Variants in MAD1L1 observed in about 807,000 individuals in gnomAD.
MAD1L1 encodes mitotic spindle assembly checkpoint protein MAD1.
A neutral mutation model predicts 96.9 loss-of-function variants in MAD1L1; 95 were observed. That is an observed-to-expected ratio of 0.98 (90% CI 0.83 to 1.16). The LOEUF is 1.16. Ranked by LOEUF, MAD1L1 falls within the 50% of genes most tolerant of loss-of-function variation. The pLI is 0.00. For missense variants in MAD1L1, 1,007 were observed against 954.4 expected (o/e 1.06, Z -0.73); for synonymous variants, 473 against 396.6 (o/e 1.19, Z -2.29).
intron 12 of MAD1L1, among the ~76,000 whole-genome samples, chr7:2,050,145 C>T (rs1459773401): frequency 2.1e-5 from 3 of 139,896 alleles, no homozygotes; most frequent in African/African-American, 5.3e-5. Flanking sequence ...CCAGCGTCTG[C>T]GGGCACCAGA....
intron 18 of MAD1L1, among the ~76,000 whole-genome samples, chr7:1,897,056 G>A (rs1207478014): frequency 6.6e-6 from 1 of 151,280 alleles, no homozygotes; most frequent in Middle Eastern, 3.4e-3. Flanking sequence ...TGTGATCTGA[G>A]AAGCAGGAAA....
chr7:2,121,668 A>C (rs1430873251), intron 11 of MAD1L1, among the ~76,000 whole-genome samples: 1 of 152,216 alleles, frequency 6.6e-6, no homozygotes, highest in Non-Finnish European at 1.5e-5. Context: ...CAAGGTGGCC[A>C]AACTCAGCCT....
At chr7:2,039,206 C>G (rs181284772) in intron 12 of MAD1L1, among the ~76,000 whole-genome samples, 1 of 152,346 alleles carries the variant, frequency 6.6e-6, no homozygotes, top group East Asian at 1.9e-4. Flanking sequence ...CAGTGAATTC[C>G]TTCTTAGTCC....
chr7:2,164,412 G>A (rs954087889), intron 10 of MAD1L1, among the ~76,000 whole-genome samples: 1 of 152,212 alleles, frequency 6.6e-6, no homozygotes, highest in Admixed American at 6.5e-5. Context: ...GCTCTGCGCT[G>A]AGGGCACCCG....
chr7:2,076,848 G>A (rs1371919971), intron 11 of MAD1L1, among the ~76,000 whole-genome samples: 1 of 149,806 alleles, frequency 6.7e-6, no homozygotes, highest in Non-Finnish European at 1.5e-5. Flanking sequence ...GTCAGCCTGA[G>A]ACGGTTACAA....
intron 10 of MAD1L1, among the ~76,000 whole-genome samples, chr7:2,163,121 T>C (rs1790246984): frequency 6.6e-6 from 1 of 152,192 alleles, no homozygotes; most frequent in Non-Finnish European, 1.5e-5. Flanking sequence ...CATATTTAAT[T>C]AAATGATGTA....
At position 2,216,129 on chromosome 7, in the gene MAD1L1, G is replaced by A. The variant is rs200517780; in HGVS notation, c.809+28C>T. 152 of 1,609,784 alleles carry A rather than the reference G, an allele frequency of 9.4e-5. No homozygotes were observed. In the African/African-American group the frequency reaches 1.5e-3, roughly 16 times the overall value. ...GCACAAACCCAGACTCACTCGAGGCGGCTGCCCCATCCCCCGCAACCCCTC... is the reference window on the plus strand; with the variant it reads ...GCACAAACCCAGACTCACTCGAGGCAGCTGCCCCATCCCCCGCAACCCCTC... On this transcript the variant is annotated intron_variant, in intron 8 of 18. Coordinates refer to ENST00000265854, the MANE Select transcript of MAD1L1 (RefSeq NM_001013836.2).
At chr7:2,009,646 A>G (rs1253890573) in intron 13 of MAD1L1, among the ~76,000 whole-genome samples, 3 of 152,300 alleles carry the variant, frequency 2.0e-5, no homozygotes, top group South Asian at 2.1e-4. Flanking sequence ...AGCGCTGGCC[A>G]CAGAGCACAC....
intron 11 of MAD1L1, among the ~76,000 whole-genome samples, chr7:2,085,861 C>A (rs1785891687): frequency 6.6e-6 from 1 of 152,226 alleles, no homozygotes. Flanking sequence ...CATCCAGTGA[C>A]CGCCTAACCT....
intron 15 of MAD1L1, among the ~76,000 whole-genome samples, chr7:1,975,107 C>A (rs1780575494): frequency 6.6e-6 from 1 of 152,252 alleles, no homozygotes; most frequent in South Asian, 2.1e-4. Flanking sequence ...GCTGCCCAGC[C>A]AGGTGGAGGC....
chr7:2,210,467 CGGG>C lies in MAD1L1; in HGVS notation c.986+2742_986+2744del, dbSNP rs1172401737. On this transcript the variant is annotated intron_variant, in intron 10 of 18. Transcript: ENST00000265854. ...CCGTGGACTCTCTAGGAGCCGTATT[CGGG>C]ACCGCCAGCCCGCATTCCCGTGGAC... is the stretch of plus-strand genomic sequence containing the variant. Among the ~76,000 whole-genome samples the C allele has an allele frequency of 4.1e-4, 55 of 132,868 alleles. 1 individual carries two copies. The highest frequency in any genetic ancestry group is 9.4e-4 in the Admixed American group (12 of 12,812). 87.2% of individuals were successfully genotyped at this position (132,868 alleles called of 152,430 possible).
chr7:2,150,453 G>A (rs373906580), intron 10 of MAD1L1, among the ~76,000 whole-genome samples: 15 of 151,974 alleles, frequency 9.9e-5, no homozygotes, highest in African/African-American at 2.4e-4. Flanking sequence ...ATGGGCCCCC[G>A]AAACCCTCAT....
chr7:2,154,333 G>T (rs748446207), intron 10 of MAD1L1, among the ~76,000 whole-genome samples: 1 of 152,208 alleles, frequency 6.6e-6, no homozygotes, highest in Non-Finnish European at 1.5e-5. Flanking sequence ...GGATTGAAAG[G>T]TCTGGGTGAG....
At chr7:2,038,224 T>C (rs1480679347) in intron 12 of MAD1L1, among the ~76,000 whole-genome samples, 1 of 152,130 alleles carries the variant, frequency 6.6e-6, no homozygotes, top group Non-Finnish European at 1.5e-5. Flanking sequence ...GGTGGGTTCA[T>C]GAGGTTTACA....
chr7:2,063,736 G>A lies in MAD1L1; in HGVS notation c.1218+5458C>T, dbSNP rs551692326. On this transcript the variant is annotated intron_variant, in intron 12 of 18. Coordinates refer to ENST00000265854, the MANE Select transcript of MAD1L1 (RefSeq NM_001013836.2). Reference sequence around the variant, plus strand: ...GCCAGCGAGGCCCTGCCCTCTTCCCGTGGGCACCACACCCGCCTTTGTCAT... The same window carrying A: ...GCCAGCGAGGCCCTGCCCTCTTCCCATGGGCACCACACCCGCCTTTGTCAT... Among the ~76,000 whole-genome samples, 79 of 152,310 alleles carry A rather than the reference G, an allele frequency of 5.2e-4. 2 individuals are homozygous for A. The South Asian group carries it at 0.014, about 28-fold the overall frequency.
chr7:1,964,694 C>T (rs1780087098), intron 15 of MAD1L1, among the ~76,000 whole-genome samples: 1 of 152,190 alleles, frequency 6.6e-6, no homozygotes, highest in South Asian at 2.1e-4. Context: ...GAGAAGATGA[C>T]GCCAATCAAA....
At chr7:1,837,497 T>C (rs1189136464) in intron 18 of MAD1L1, among the ~76,000 whole-genome samples, 5 of 152,202 alleles carry the variant, frequency 3.3e-5, no homozygotes, top group Non-Finnish European at 5.9e-5. Flanking sequence ...TGCATGTGAA[T>C]GTTCACTGTA....
At chr7:1,892,018 C>T (rs1214347151) in intron 18 of MAD1L1, among the ~76,000 whole-genome samples, 6 of 152,162 alleles carry the variant, frequency 3.9e-5, no homozygotes, top group African/African-American at 1.4e-4. Context: ...ACCAGCTCGC[C>T]CAGAGCACCC....
At chr7:1,887,436 T>C (rs1186910007) in intron 18 of MAD1L1, among the ~76,000 whole-genome samples, 1 of 151,650 alleles carries the variant, frequency 6.6e-6, no homozygotes, top group Non-Finnish European at 1.5e-5. Flanking sequence ...TGCGTGCATG[T>C]GGCTGCCTCT....
Sources: allele counts gnomAD v4.1 joint callset (sites outside exome capture counted in the v4.1 genomes callset), GRCh38; gene constraint gnomAD v4.1.1; transcripts MANE v1.5; gene names NCBI Gene and HGNC (gene_info 2026-07-23, HGNC 2026-07-21).